Variants in ZNF385D observed in about 807,000 individuals in gnomAD.
ZNF385D encodes zinc finger protein 385D.
ZNF385D carries 15 observed loss-of-function variants against 35.8 expected under a neutral mutation model. The observed-to-expected ratio is 0.42, with a 90% CI of 0.28 to 0.64. ZNF385D has a LOEUF of 0.64. ZNF385D is among the 30% of genes least tolerant of loss of function. The probability of loss-of-function intolerance (pLI) is 0.23; values close to 1 mark genes in which losing one functional copy is unlikely to be tolerated. For missense variants in ZNF385D, 474 were observed against 494.6 expected (o/e 0.96, Z 0.39); for synonymous variants, 212 against 186.8 (o/e 1.13, Z -1.10).
chr3:22,077,100 A>AAT (rs541715430), intron 3 of ZNF385D, among the ~76,000 whole-genome samples: 4 of 152,090 alleles, frequency 2.6e-5, no homozygotes, highest in Admixed American at 2.6e-4. Flanking sequence ...GAAAATTAAA[A>AAT]ATATATATAA....
intron 3 of ZNF385D, among the ~76,000 whole-genome samples, chr3:22,164,536 A>G (rs1706187437): frequency 6.6e-6 from 1 of 151,184 alleles, no homozygotes; most frequent in African/African-American, 2.4e-5. Context: ...CAAAAGGAAC[A>G]CTTTTTAAAG....
chr3:21,608,787 C>T (rs1478971082), intron 2 of ZNF385D, among the ~76,000 whole-genome samples: 2 of 152,148 alleles, frequency 1.3e-5, no homozygotes, highest in African/African-American at 4.8e-5. Context: ...AGTTCCCAAT[C>T]CAGTTGTGAA....
chr3:21,945,129 T>C (rs558758758), intron 3 of ZNF385D, among the ~76,000 whole-genome samples: 3 of 150,512 alleles, frequency 2.0e-5, no homozygotes, highest in Non-Finnish European at 4.4e-5. Flanking sequence ...TACGTGTGTG[T>C]ATATATATGT....
At chr3:21,956,789 A>C (rs1702314046) in intron 3 of ZNF385D, among the ~76,000 whole-genome samples, 1 of 151,796 alleles carries the variant, frequency 6.6e-6, no homozygotes, top group Admixed American at 6.6e-5. Flanking sequence ...GGCCAATCTA[A>C]GACCTTCAAC....
intron 3 of ZNF385D, among the ~76,000 whole-genome samples, chr3:22,049,964 T>G (rs1166302993): frequency 6.6e-6 from 1 of 152,212 alleles, no homozygotes; most frequent in Non-Finnish European, 1.5e-5. Context: ...TTTTCTTTCC[T>G]TGTAAAATGC....
chr3:21,750,663 A>C, intron 1 of ZNF385D, among the ~76,000 whole-genome samples: 1 of 144,008 alleles, frequency 6.9e-6, no homozygotes, highest in Admixed American at 7.0e-5. Flanking sequence ...CCCCCTCCAC[A>C]TGTCCCTGTC....
At chr3:21,966,306 C>G (rs141481934) in intron 3 of ZNF385D, among the ~76,000 whole-genome samples, 1 of 152,142 alleles carries the variant, frequency 6.6e-6, no homozygotes, top group East Asian at 1.9e-4. Flanking sequence ...ACAAACTGAA[C>G]TGGTAGTAAA....
chr3:22,008,558 G>A (rs182565451), intron 3 of ZNF385D, among the ~76,000 whole-genome samples: 2 of 152,036 alleles, frequency 1.3e-5, no homozygotes, highest in African/African-American at 2.4e-5. Flanking sequence ...GGGTTTCACC[G>A]TGTTAGCCAG....
At chr3:21,880,486 A>G (rs1190474317) in intron 3 of ZNF385D, among the ~76,000 whole-genome samples, 2 of 152,008 alleles carry the variant, frequency 1.3e-5, no homozygotes, top group Non-Finnish European at 1.5e-5. Flanking sequence ...CTGTGCCTAT[A>G]AGAGATGGCA....
intron 1 of ZNF385D, among the ~76,000 whole-genome samples, chr3:21,676,893 C>A (rs769392515): frequency 6.6e-6 from 1 of 151,826 alleles, no homozygotes; most frequent in Non-Finnish European, 1.5e-5. Context: ...CAGAAATGTC[C>A]TCCAAGGAAA....
Position 21,465,365 on chromosome 3 carries a change from T to C in ZNF385D, c.440-28162A>G, listed in dbSNP as rs1360526421. ...TATTTTGGTCTAACAAAGCCATATA[T>C]AATCCCAATTAATTTGAAATACTTT... On this transcript the variant is annotated intron_variant, in intron 4 of 7. Transcript: ENST00000281523. The surrounding 1 kb of genome is among the most constrained non-coding windows in gnomAD (Gnocchi z 4.2). 2.0e-5 allele frequency among the ~76,000 whole-genome samples: 3 copies of C among 152,200 alleles called. No homozygotes were observed. Among genetic ancestry groups the C allele is most frequent in the Non-Finnish European group, 2.9e-5 (2 of 68,032 alleles).
chr3:21,558,219 C>G (rs994284608), intron 3 of ZNF385D, among the ~76,000 whole-genome samples: 2 of 149,848 alleles, frequency 1.3e-5, no homozygotes, highest in Non-Finnish European at 3.0e-5. Context: ...TTTGCTCTTG[C>G]TTCTCTAGTT....
chr3:21,949,134 T>C (rs1040409683), intron 3 of ZNF385D, among the ~76,000 whole-genome samples: 5 of 152,222 alleles, frequency 3.3e-5, no homozygotes, highest in African/African-American at 1.2e-4. Context: ...ATTCCTTTTA[T>C]CATCTGCTTA....
At chr3:22,196,149 C>G (rs572405013) in intron 2 of ZNF385D, among the ~76,000 whole-genome samples, 1 of 151,974 alleles carries the variant, frequency 6.6e-6, no homozygotes, top group Non-Finnish European at 1.5e-5. Context: ...TGTAACAAAA[C>G]TGCAATTGTA....
intron 2 of ZNF385D, among the ~76,000 whole-genome samples, chr3:22,330,580 T>A (rs905574832): frequency 5.3e-5 from 8 of 152,174 alleles, no homozygotes; most frequent in African/African-American, 1.9e-4. Context: ...TGCTGTGATA[T>A]GACAGATCAC....
At chr3:21,490,646 A>G (rs1343021585) in intron 4 of ZNF385D, among the ~76,000 whole-genome samples, 1 of 152,142 alleles carries the variant, frequency 6.6e-6, no homozygotes, top group East Asian at 1.9e-4. Context: ...ACTAGTGGGT[A>G]CTCTGGCAGA....
chr3:22,030,270 T>TAC (rs1374204561), intron 3 of ZNF385D, among the ~76,000 whole-genome samples: 1 of 81,178 alleles, frequency 1.2e-5, no homozygotes, highest in East Asian at 4.3e-4. Context: ...TATATATATA[T>TAC]ATATATATAT....
At chr3:21,747,613 C>T (rs1325358537) in intron 1 of ZNF385D, among the ~76,000 whole-genome samples, 1 of 152,190 alleles carries the variant, frequency 6.6e-6, no homozygotes, top group African/African-American at 2.4e-5. Context: ...AATGGGGAGA[C>T]AATTCAAACA....
intron 6 of ZNF385D, 53 bp downstream of exon 6, chr3:21,425,439 G>T (rs1322420636): frequency 6.0e-6 from 9 of 1,493,152 alleles, no homozygotes; most frequent in Middle Eastern, 3.8e-4. Flanking sequence ...CACACATCCT[G>T]CTTATAAGGC....
Sources: allele counts gnomAD v4.1 joint callset (sites outside exome capture counted in the v4.1 genomes callset), GRCh38; gene constraint gnomAD v4.1.1; non-coding constraint Gnocchi (gnomAD v3.1); transcripts MANE v1.5; gene names NCBI Gene and HGNC (gene_info 2026-07-23, HGNC 2026-07-21).